The following LRRFIP2 variants were observed in gnomAD, a reference collection of about 807,000 sequenced individuals.
LRRFIP2 encodes the protein leucine-rich repeat flightless-interacting protein 2.
Under a neutral mutation model 125.9 loss-of-function variants are expected in LRRFIP2, and 109 were observed. That is an observed-to-expected ratio of 0.87 (90% CI 0.74 to 1.01). The LOEUF (loss-of-function observed/expected upper bound fraction) is 1.01. Among genes scored for constraint, LRRFIP2 ranks in the 50% least tolerant of loss-of-function variants. The pLI is 0.00. For synonymous variants in LRRFIP2, 291 were observed against 293.1 expected (o/e 0.99, Z 0.07); for missense variants, 850 against 862.3 (o/e 0.99, Z 0.18).
intron 19 of LRRFIP2, among the ~76,000 whole-genome samples, chr3:37,076,032 C>T (rs1481474490): frequency 1.3e-5 from 2 of 151,996 alleles, no homozygotes; most frequent in African/African-American, 4.8e-5. Context: ...ATACCACACA[C>T]CAGGACAAAT....
intron 2 of LRRFIP2, among the ~76,000 whole-genome samples, chr3:37,131,584 C>A (rs2095429557): frequency 6.6e-6 from 1 of 152,214 alleles, no homozygotes; most frequent in Admixed American, 6.5e-5. Flanking sequence ...TGGTCACATC[C>A]TAACTCTGAT....
Position 37,065,923 on chromosome 3 carries a change from A to T in LRRFIP2, c.1586T>A (p.Ile529Asn), listed in dbSNP as rs759722107. 3.7e-6 allele frequency: 6 copies of T among 1,614,144 alleles called. No homozygotes were observed. In the East Asian group the frequency reaches 6.7e-5, roughly 18 times the overall value. The part of the protein sequence containing the change: ...KTGEKHGLVI[I>N]PDGTPNGDVS... ...ATCACCATTGGGAGTGCCATCGGGG[A>T]TTATAACTAAGCCATGTTTCTGCAG... Residue 529 changes from isoleucine (I) to asparagine (N), a missense_variant, in exon 23 of 28, where the codon ATC becomes AAC. By Grantham distance (149) the Ile-to-Asn change is moderately radical. Coordinates refer to ENST00000336686, the MANE Select transcript of LRRFIP2 (RefSeq NM_006309.4).
At position 37,094,857 on chromosome 3, in the gene LRRFIP2, A is replaced by G. The variant is rs369926322; in HGVS notation, c.970T>C (p.Ser324Pro). The change falls in exon 17 of 28, where the codon TCC becomes CCC. Residue 324 changes from serine to proline, a missense_variant. By Grantham distance (74) the Ser-to-Pro change is moderately conservative (BLOSUM62 -1). Transcript: ENST00000336686. The part of the protein sequence containing the change: ...SATTPLSGNS[S>P]RRGSGDTSSL... ...CTGGTGTCCCCACTTCCTCGTCTGG[A>G]TGAGTTTCCACTTAGAGGGGTTGTT... 3.1e-6 allele frequency: 5 copies of G among 1,613,878 alleles called. No individual in the cohort carries two copies. The highest frequency in any genetic ancestry group is 2.2e-5 in the East Asian group (1 of 44,886).
rs1559940275 is a variant in LRRFIP2 at position 37,121,622 on chromosome 3, G to C, written c.285+13C>G. 1 of 1,614,072 alleles carries C rather than the reference G, an allele frequency of 6.2e-7. No individual in the cohort carries two copies. Among genetic ancestry groups the C allele is most frequent in the Admixed American group, 1.7e-5 (1 of 60,026 alleles). On this transcript the variant is annotated intron_variant, in intron 5 of 27. Coordinates refer to ENST00000336686, the MANE Select transcript of LRRFIP2 (RefSeq NM_006309.4). The stretch of plus-strand genomic sequence containing the variant: ...GAAAAGTATTAGAGGCAAGTGTATA[G>C]GTTATTACAAACCAGATAAGGACGA...
intron 2 of LRRFIP2, among the ~76,000 whole-genome samples, chr3:37,129,418 T>C (rs992406489): frequency 6.6e-6 from 1 of 152,244 alleles, no homozygotes; most frequent in Non-Finnish European, 1.5e-5. Context: ...CAGTTTGTTA[T>C]ATGCCTCTCC....
chr3:37,162,268 G>T (rs1394653534), intron 1 of LRRFIP2, among the ~76,000 whole-genome samples: 1 of 151,752 alleles, frequency 6.6e-6, no homozygotes, highest in South Asian at 2.1e-4. Context: ...AAAGGGCCCA[G>T]AGTGTTCAAC....
intron 15 of LRRFIP2, 39 bp downstream of exon 15, chr3:37,102,885 T>G (rs1242578573): frequency 7.5e-7 from 1 of 1,341,154 alleles, no homozygotes. Context: ...GTCACAAGCC[T>G]GGGACAACAT....
chr3:37,079,621 T>C (rs2092446917), intron 19 of LRRFIP2, among the ~76,000 whole-genome samples: 1 of 152,134 alleles, frequency 6.6e-6, no homozygotes, highest in Admixed American at 6.5e-5. Flanking sequence ...ACAACCTGTA[T>C]ACAAATGTTT....
At chr3:37,114,534 T>A (rs1246972026) in intron 7 of LRRFIP2, among the ~76,000 whole-genome samples, 1 of 152,020 alleles carries the variant, frequency 6.6e-6, no homozygotes, top group Non-Finnish European at 1.5e-5. Context: ...TGTAATCCCA[T>A]CACTTTGGGA....
intron 22 of LRRFIP2, 73 bp from the exon 23 acceptor site, chr3:37,066,015 A>G: frequency 6.3e-7 from 1 of 1,584,746 alleles, no homozygotes; most frequent in East Asian, 2.2e-5. Flanking sequence ...TCACTCTGCA[A>G]CAATACATGT....
At chr3:37,091,833 G>T (rs2093457837) in intron 17 of LRRFIP2, among the ~76,000 whole-genome samples, 1 of 151,998 alleles carries the variant, frequency 6.6e-6, no homozygotes, top group South Asian at 2.1e-4. Context: ...GGAGGAAAAA[G>T]CTATATAAAT....
chr3:37,104,883 T>C (rs2094240920), intron 14 of LRRFIP2, among the ~76,000 whole-genome samples: 1 of 151,952 alleles, frequency 6.6e-6, no homozygotes, highest in Non-Finnish European at 1.5e-5. Flanking sequence ...CTCACTTTGC[T>C]ACCCACACTG....
intron 2 of LRRFIP2, among the ~76,000 whole-genome samples, chr3:37,139,047 A>G (rs970795105): frequency 7.2e-5 from 11 of 152,358 alleles, no homozygotes; most frequent in African/African-American, 2.4e-4. Flanking sequence ...TCTAGCAGGT[A>G]GCATACACTG....
At chr3:37,102,538 G>A (rs947710876) in intron 15 of LRRFIP2, among the ~76,000 whole-genome samples, 2 of 122,988 alleles carry the variant, frequency 1.6e-5, no homozygotes, top group African/African-American at 3.2e-5. Flanking sequence ...TCACTCTGTT[G>A]CCCAGGATAC....
intron 2 of LRRFIP2, among the ~76,000 whole-genome samples, chr3:37,138,719 T>A (rs760480119): frequency 1.3e-5 from 2 of 152,220 alleles, no homozygotes; most frequent in Non-Finnish European, 2.9e-5. Flanking sequence ...ACACTGGCTA[T>A]AACTTCTGTG....
intron 1 of LRRFIP2, among the ~76,000 whole-genome samples, chr3:37,167,101 G>GT (rs1003835225): frequency 7.9e-5 from 12 of 151,802 alleles, no homozygotes; most frequent in South Asian, 4.2e-4. Flanking sequence ...AGAGGCTGAG[G>GT]TGGGAGGATC....
intron 19 of LRRFIP2, among the ~76,000 whole-genome samples, chr3:37,077,505 A>G (rs978881766): frequency 2.0e-5 from 3 of 152,186 alleles, no homozygotes; most frequent in East Asian, 3.8e-4. Context: ...ATATACATAT[A>G]TATCTTTTTA....
intron 1 of LRRFIP2, among the ~76,000 whole-genome samples, chr3:37,159,507 CT>C (rs2096278096): frequency 6.6e-6 from 1 of 151,772 alleles, no homozygotes; most frequent in African/African-American, 2.4e-5. Context: ...GAGTTTGTTA[CT>C]TTCTCTTTTT....
intron 1 of LRRFIP2, among the ~76,000 whole-genome samples, chr3:37,165,760 AAAAAGAAAAG>A (rs201388088): frequency 1.9e-4 from 28 of 150,114 alleles, no homozygotes; most frequent in East Asian, 7.8e-4. Context: ...CTGTCACAAA[AAAAAGAAAAG>A]AAAAGAAAAG....
Sources: gnomAD v4.1 joint callset for allele counts (sites outside exome capture counted in the v4.1 genomes callset) on GRCh38, gnomAD v4.1.1 for gene constraint, MANE v1.5 for transcripts, NCBI Gene and HGNC (gene_info 2026-07-23, HGNC 2026-07-21) for gene names.